The following OXR1 variants were observed in gnomAD, a reference collection of about 807,000 sequenced individuals.
OXR1 encodes the protein oxidation resistance 1, also known as oxidation resistance protein 1.
Under a neutral mutation model 104.6 loss-of-function variants are expected in OXR1, and 41 were observed. The observed-to-expected ratio is 0.39, with a 90% CI of 0.31 to 0.51. The LOEUF (loss-of-function observed/expected upper bound fraction) is 0.51. OXR1 is among the 20% of genes least tolerant of loss of function. OXR1 has a pLI of 0.77. For missense variants in OXR1, 955 were observed against 1,031.9 expected, an observed-to-expected ratio of 0.93 and a Z score of 1.02; for synonymous variants, 348 against 348.4, an observed-to-expected ratio of 1.00 and a Z score of 0.01.
chr8:106,536,215 G>A (rs1814518772), intron 3 of OXR1, among the ~76,000 whole-genome samples: 1 of 131,148 alleles, frequency 7.6e-6, no homozygotes, highest in Admixed American at 8.6e-5. Flanking sequence ...GCAAGACTCT[G>A]TCTCAAAAAA....
chr8:106,514,668 G>T (rs1812747929), intron 2 of OXR1, among the ~76,000 whole-genome samples: 1 of 152,068 alleles, frequency 6.6e-6, no homozygotes, highest in Non-Finnish European at 1.5e-5. Context: ...TGCTGGCAGA[G>T]CATCATTTGT....
intron 1 of OXR1, among the ~76,000 whole-genome samples, chr8:106,357,401 T>C (rs908346573): frequency 6.6e-6 from 1 of 152,146 alleles, no homozygotes. Flanking sequence ...TTTTGGAATG[T>C]AAACAGACAA....
chr8:106,329,677 C>T lies in OXR1; in HGVS notation c.-138-29799C>T, dbSNP rs544428324. 8.5e-5 allele frequency among the ~76,000 whole-genome samples: 13 copies of T among 152,258 alleles called. No homozygotes were observed. In the South Asian group the frequency reaches 2.7e-3, roughly 32 times the overall value. ...TGACACTTTCTTAACTACAGATGCACGTTTTGGAGCACAGGACCTTTTATG... is the reference window on the plus strand; with the variant it reads ...TGACACTTTCTTAACTACAGATGCATGTTTTGGAGCACAGGACCTTTTATG... On this transcript the variant is annotated intron_variant, in intron 1 of 16. Coordinates refer to ENST00000517566, the MANE Select transcript of OXR1 (RefSeq NM_001198533.2).
At chr8:106,744,725 C>T (rs992390219) in intron 15 of OXR1, among the ~76,000 whole-genome samples, 3 of 152,052 alleles carry the variant, frequency 2.0e-5, no homozygotes, top group Non-Finnish European at 4.4e-5. Context: ...TGTGACTATT[C>T]TTAAAACATT....
chr8:106,423,007 A>C (rs973694499), intron 2 of OXR1, among the ~76,000 whole-genome samples: 1 of 152,144 alleles, frequency 6.6e-6, no homozygotes, highest in African/African-American at 2.4e-5. Context: ...ATTCTCAAAC[A>C]TTCTAGATAC....
intron 3 of OXR1, among the ~76,000 whole-genome samples, chr8:106,528,909 C>T (rs1813891108): frequency 1.3e-5 from 2 of 152,192 alleles, no homozygotes; most frequent in Non-Finnish European, 2.9e-5. Context: ...CACATAGCTG[C>T]TCTGAGGATT....
At chr8:106,656,780 A>T (rs1825126404) in intron 3 of OXR1, among the ~76,000 whole-genome samples, 1 of 151,606 alleles carries the variant, frequency 6.6e-6, no homozygotes, top group South Asian at 2.1e-4. Flanking sequence ...AAGAATCTAA[A>T]CTGAAAATGG....
chr8:106,642,814 C>G (rs1271896265), intron 3 of OXR1, among the ~76,000 whole-genome samples: 2 of 152,198 alleles, frequency 1.3e-5, no homozygotes, highest in African/African-American at 4.8e-5. Context: ...ATAGAAACAT[C>G]ATAGACTTGA....
At chr8:106,311,033 G>C (rs1813678427) in intron 1 of OXR1, among the ~76,000 whole-genome samples, 1 of 151,746 alleles carries the variant, frequency 6.6e-6, no homozygotes. Context: ...GACATTTCTG[G>C]AGCTCCTACA....
At chr8:106,739,082 A>G (rs1834675972) in intron 12 of OXR1, among the ~76,000 whole-genome samples, 1 of 84,056 alleles carries the variant, frequency 1.2e-5, no homozygotes, top group Non-Finnish European at 2.5e-5. Flanking sequence ...GCATACACAC[A>G]CACACACACA....
intron 1 of OXR1, among the ~76,000 whole-genome samples, chr8:106,308,039 G>C (rs1205113679): frequency 6.6e-6 from 1 of 151,456 alleles, no homozygotes; most frequent in Non-Finnish European, 1.5e-5. Flanking sequence ...CACACACACA[G>C]AAATTTATTA....
In OXR1 at chr8:106,630,344, A is replaced by G. The variant is rs1460045478; in HGVS notation, c.221-48866A>G. The stretch of plus-strand genomic sequence containing the variant: ...TCTCTGAACAGAGAAGGATTCTTAC[A>G]ACATGGACTCTAACTTCGCCATTTT... On this transcript the variant is annotated intron_variant, in intron 3 of 16. Transcript: ENST00000517566. Among the ~76,000 whole-genome samples the G allele has an allele frequency of 2.0e-5, 3 of 152,328 alleles. No individual in the cohort carries two copies. The East Asian group carries it at 5.8e-4, about 29-fold the overall frequency.
At chr8:106,563,875 C>T (rs1054924911) in intron 3 of OXR1, among the ~76,000 whole-genome samples, 6 of 152,186 alleles carry the variant, frequency 3.9e-5, no homozygotes, top group African/African-American at 1.4e-4. Flanking sequence ...GAGCAGCCTA[C>T]TCCTGAATGA....
chr8:106,498,316 TAAACATAAATCCCA>T (rs1216342710), intron 2 of OXR1, among the ~76,000 whole-genome samples: 2 of 152,236 alleles, frequency 1.3e-5, no homozygotes, highest in Non-Finnish European at 2.9e-5. Context: ...AGTATTCCTT[TAAACATAAATCCCA>T]AAACCATTTT....
At chr8:106,693,762 C>T (rs778074458) in intron 7 of OXR1, among the ~76,000 whole-genome samples, 9 of 151,996 alleles carry the variant, frequency 5.9e-5, no homozygotes, top group Non-Finnish European at 1.2e-4. Context: ...CACTTTGTTG[C>T]TTTTCTAAGC....
chr8:106,549,043 T>G (rs1166738982), intron 3 of OXR1, among the ~76,000 whole-genome samples: 1 of 151,936 alleles, frequency 6.6e-6, no homozygotes, highest in East Asian at 1.9e-4. Context: ...CTGCAAAGAT[T>G]ACACCTGCCT....
chr8:106,482,559 G>C (rs756245332), intron 2 of OXR1, among the ~76,000 whole-genome samples: 3 of 151,988 alleles, frequency 2.0e-5, no homozygotes, highest in Non-Finnish European at 4.4e-5. Flanking sequence ...CTTGCACACA[G>C]TGTCCCGCAT....
chr8:106,384,810 G>T (rs1026691237), intron 2 of OXR1, among the ~76,000 whole-genome samples: 1 of 150,648 alleles, frequency 6.6e-6, no homozygotes, highest in Non-Finnish European at 1.5e-5. Flanking sequence ...TGCTTCCAGG[G>T]TTCAAGCTAT....
intron 1 of OXR1, among the ~76,000 whole-genome samples, chr8:106,346,085 A>G (rs927080167): frequency 6.8e-6 from 1 of 146,432 alleles, no homozygotes; most frequent in Non-Finnish European, 1.5e-5. Flanking sequence ...ATGGGGTTGC[A>G]GCAGTTTATT....
Sources: allele counts gnomAD v4.1 joint callset (sites outside exome capture counted in the v4.1 genomes callset), GRCh38; gene constraint gnomAD v4.1.1; transcripts MANE v1.5; gene names NCBI Gene and HGNC (gene_info 2026-07-23, HGNC 2026-07-21).